Variants in CFAP251 observed in about 807,000 individuals in gnomAD.
CFAP251 encodes cilia- and flagella-associated protein 251.
CFAP251 carries 93 observed loss-of-function variants against 126.7 expected under a neutral mutation model. That is an observed-to-expected ratio of 0.73 (90% CI 0.62 to 0.87). CFAP251 has a LOEUF of 0.87. CFAP251 is among the 40% of genes least tolerant of loss of function. CFAP251 has a pLI of 0.00. For missense variants in CFAP251, 1,287 were observed against 1,389.2 expected, an observed-to-expected ratio of 0.93 and a Z score of 1.17; for synonymous variants, 503 against 506.9, an observed-to-expected ratio of 0.99 and a Z score of 0.10.
At chr12:121,971,857 G>A in intron 17 of CFAP251, 1 of 464,354 alleles carries the variant, frequency 2.2e-6, no homozygotes, top group South Asian at 2.2e-5. Flanking sequence ...TGGTTGGATG[G>A]TGGGGGAGCA....
At chr12:121,921,742 G>T in intron 2 of CFAP251, 59 bp downstream of exon 2, 1 of 1,474,930 alleles carries the variant, frequency 6.8e-7, no homozygotes, top group Non-Finnish European at 9.2e-7. Flanking sequence ...TGAATGCTTA[G>T]TATAGGCCAG....
chr12:121,965,686 G>A lies in CFAP251; in HGVS notation c.2493-1269G>A, dbSNP rs560890324. On this transcript the variant is annotated intron_variant, in intron 15 of 21. Transcript: ENST00000288912. ...GCAAATTACCAATGAAGCATGAATA[G>A]CATAATTCTATTTTTATATAAAATT... is the stretch of plus-strand genomic sequence containing the variant. Among the ~76,000 whole-genome samples the A allele has an allele frequency of 4.6e-5, 7 of 152,154 alleles. No individual in the cohort carries two copies. In the South Asian group the frequency reaches 1.5e-3, roughly 32 times the overall value.
At chr12:121,961,640 A>G (rs1565914586) in intron 14 of CFAP251, among the ~76,000 whole-genome samples, 2 of 152,202 alleles carry the variant, frequency 1.3e-5, no homozygotes, top group Non-Finnish European at 1.5e-5. Context: ...TAGCTATGTG[A>G]CCTTGGACAA....
intron 19 of CFAP251, among the ~76,000 whole-genome samples, chr12:121,979,723 C>T (rs1385246656): frequency 1.3e-4 from 20 of 151,942 alleles, no homozygotes; most frequent in Admixed American, 1.0e-3. Flanking sequence ...CACCACCATG[C>T]CTGGCTAATT....
At chr12:121,928,463 AAC>A (rs945530419) in intron 3 of CFAP251, among the ~76,000 whole-genome samples, 3 of 151,786 alleles carry the variant, frequency 2.0e-5, no homozygotes, top group African/African-American at 7.3e-5. Context: ...CTTGGGGAGA[AAC>A]AATTTAATTT....
At chr12:121,928,701 TA>T (rs1246373366) in intron 3 of CFAP251, among the ~76,000 whole-genome samples, 4 of 39,638 alleles carry the variant, frequency 1.0e-4, no homozygotes, top group African/African-American at 3.7e-4. Flanking sequence ...TATATATATA[TA>T]TATTTTTTTT....
At chr12:121,962,609 G>A (rs547692018) in intron 15 of CFAP251, among the ~76,000 whole-genome samples, 27 of 152,062 alleles carry the variant, frequency 1.8e-4, no homozygotes, top group Admixed American at 2.0e-4. Context: ...CCATCACTGT[G>A]GAGTTTACAT....
At chr12:121,976,279 C>T (rs1413846001) in intron 19 of CFAP251, among the ~76,000 whole-genome samples, 1 of 152,030 alleles carries the variant, frequency 6.6e-6, no homozygotes, top group Non-Finnish European at 1.5e-5. Context: ...AAAGTGCTGT[C>T]ATTACAGGCA....
intron 4 of CFAP251, chr12:121,933,544 C>T (rs769949018): frequency 2.6e-5 from 4 of 152,302 alleles, no homozygotes; most frequent in Non-Finnish European, 5.9e-5. Flanking sequence ...CATGGTGGCT[C>T]ATGCCTGTAA....
rs994412973 is a variant in CFAP251 at position 121,975,003 on chromosome 12, C to T, written c.2772-241C>T. Among the ~76,000 whole-genome samples, 4 of 152,240 alleles carry T rather than the reference C, an allele frequency of 2.6e-5. No individual in the cohort carries two copies. In the East Asian group the frequency reaches 5.8e-4, roughly 22 times the overall value. ...AATTGCCAAGCACCTGCCCTGTCATCATCAAGAGAATATCACCATAATTAA... is the reference window on the plus strand; with the variant it reads ...AATTGCCAAGCACCTGCCCTGTCATTATCAAGAGAATATCACCATAATTAA... On this transcript the variant is annotated intron_variant, in intron 17 of 21. Transcript: ENST00000288912.
chr12:122,000,096 C>T, intron 20 of CFAP251, 152 bp downstream of exon 20: 1 of 657,532 alleles, frequency 1.5e-6, no homozygotes, highest in South Asian at 2.4e-5. Flanking sequence ...GCTGACCCAC[C>T]TGCATCCCTG....
chr12:121,954,439 T>C (rs529970593), intron 10 of CFAP251, 105 bp downstream of exon 10: 22 of 1,063,444 alleles, frequency 2.1e-5, no homozygotes, highest in African/African-American at 1.1e-4. Flanking sequence ...TTTCAGTTCT[T>C]TGGGAGGCTG....
intron 3 of CFAP251, among the ~76,000 whole-genome samples, chr12:121,926,846 G>A (rs1336846241): frequency 6.6e-6 from 1 of 152,170 alleles, no homozygotes; most frequent in East Asian, 1.9e-4. Flanking sequence ...AGGAGACTGA[G>A]CCAGGAGAAT....
intron 5 of CFAP251, among the ~76,000 whole-genome samples, chr12:121,935,260 C>T (rs138092833): frequency 1.1e-4 from 16 of 152,284 alleles, no homozygotes; most frequent in African/African-American, 3.9e-4. Flanking sequence ...TCCGATCTCT[C>T]TTTCTCTCTT....
At chr12:121,971,833 G>T (rs1475242300) in intron 17 of CFAP251, 2 of 498,324 alleles carry the variant, frequency 4.0e-6, no homozygotes, top group Non-Finnish European at 7.4e-6. Flanking sequence ...TGGTGGGAGG[G>T]ACCTGGTGGG....
In CFAP251 at chr12:121,931,643, T is replaced by C. The variant is rs567096829; in HGVS notation, c.748-103T>C. 4.2e-6 allele frequency: 5 copies of C among 1,199,214 alleles called. No individual in the cohort carries two copies. In the South Asian group the frequency reaches 7.4e-5, roughly 18 times the overall value. 74.3% of individuals were successfully genotyped at this position (1,199,214 alleles called of 1,614,324 possible). On this transcript the variant is annotated intron_variant, in intron 3 of 21. Coordinates refer to ENST00000288912, the MANE Select transcript of CFAP251 (RefSeq NM_144668.6). ...CTTTCTTAAAGTGGTTCCTCTTCAC[T>C]GAACTGTTGATGTGAAATCCTTCCC... is the stretch of plus-strand genomic sequence containing the variant.
intron 10 of CFAP251, among the ~76,000 whole-genome samples, 186 bp downstream of exon 10, chr12:121,954,520 C>A (rs1881646201): frequency 6.7e-6 from 1 of 149,756 alleles, no homozygotes. Flanking sequence ...CTATCTCTAC[C>A]AAAAAACAAA....
rs751428936 is a variant in CFAP251, at chr12:121,960,739, T to C, written c.2288T>C (p.Leu763Pro). The C allele has an allele frequency of 6.2e-7, 1 of 1,613,524 alleles. No homozygotes were observed. Among genetic ancestry groups the C allele is most frequent in the Non-Finnish European group, 8.5e-7 (1 of 1,179,862 alleles). ...AGCAATGAGCCTAGACTGCTGAGCC[T>C]TGGGACAGACAGGCTCTTGGTGAGC... Reference protein sequence around the residue: ...LDSNEPRLLSLGTDRLLIEYD... With the variant: ...LDSNEPRLLSPGTDRLLIEYD... Residue 763 changes from leucine (L) to proline (P), a missense_variant, in exon 14 of 22, where the codon CTT (leucine) becomes CCT (proline). Leu to Pro is a moderately conservative substitution (Grantham distance 98). Transcript: ENST00000288912.
chr12:121,932,692 C>T (rs571326791), intron 4 of CFAP251: 1 of 152,378 alleles, frequency 6.6e-6, no homozygotes, highest in African/African-American at 2.4e-5. Flanking sequence ...AGATCAAAAA[C>T]ACCACGAGGT....
Sources: allele counts gnomAD v4.1 joint callset (sites outside exome capture counted in the v4.1 genomes callset), GRCh38; gene constraint gnomAD v4.1.1; transcripts MANE v1.5; gene names NCBI Gene and HGNC (gene_info 2026-07-23, HGNC 2026-07-21).